The following ESRRB variants were observed in gnomAD, a reference collection of about 807,000 sequenced individuals.
ESRRB encodes estrogen related receptor beta.
A neutral mutation model predicts 46.0 loss-of-function variants in ESRRB; 16 were observed. That is an observed-to-expected ratio of 0.35 (90% confidence interval 0.24 to 0.53). The LOEUF (loss-of-function observed/expected upper bound fraction) is 0.53, where lower values mean the gene tolerates loss of function less well. Ranked by LOEUF, ESRRB falls within the 20% of genes least tolerant of loss-of-function variation. The pLI is 0.93. For missense variants in ESRRB, 488 were observed against 607.4 expected, an observed-to-expected ratio of 0.80 and a Z score of 2.07; for synonymous variants, 246 against 259.6, an observed-to-expected ratio of 0.95 and a Z score of 0.50.
upstream of ESRRB, among the ~76,000 whole-genome samples, chr14:76,370,877 G>A (rs1229778348): frequency 1.3e-5 from 2 of 152,170 alleles, no homozygotes; most frequent in Non-Finnish European, 2.9e-5. Context: ...GGTAAAGAGA[G>A]AACTTTAATA....
At chr14:76,490,733 T>G (rs1890189625) in intron 5 of ESRRB, among the ~76,000 whole-genome samples, 1 of 152,156 alleles carries the variant, frequency 6.6e-6, no homozygotes, top group Admixed American at 6.5e-5. Flanking sequence ...AGGGGGGAAC[T>G]AGCATGATTC....
chr14:76,387,152 A>G (rs758377315), intron 1 of ESRRB, among the ~76,000 whole-genome samples: 1 of 152,218 alleles, frequency 6.6e-6, no homozygotes, highest in African/African-American at 2.4e-5. Context: ...AGGGAGGGTT[A>G]GGACTCCAAA....
At chr14:76,373,103 G>C (rs1244418362), upstream of ESRRB, among the ~76,000 whole-genome samples, 4 of 152,176 alleles carry the variant, frequency 2.6e-5, no homozygotes, top group Admixed American at 6.5e-5. Context: ...GTGAGCTGCT[G>C]TCATCTTACA....
At chr14:76,338,494 C>T in intron 1 of ESRRB, among the ~76,000 whole-genome samples, 1 of 152,204 alleles carries the variant, frequency 6.6e-6, no homozygotes, top group South Asian at 2.1e-4. Flanking sequence ...TTCTCCTTAG[C>T]CAGATGGTAC....
intron 1 of ESRRB, among the ~76,000 whole-genome samples, chr14:76,397,659 C>T (rs1885750733): frequency 6.6e-6 from 1 of 152,192 alleles, no homozygotes; most frequent in African/African-American, 2.4e-5. Context: ...AATCCCAGCA[C>T]TTTGAGAGGC....
intron 1 of ESRRB, among the ~76,000 whole-genome samples, chr14:76,323,017 C>A (rs1883886147): frequency 6.6e-6 from 1 of 152,132 alleles, no homozygotes; most frequent in South Asian, 2.1e-4. Flanking sequence ...CACTTTCTGT[C>A]CAGGGGCTCC....
At chr14:76,414,463 C>T (rs957760042) in intron 1 of ESRRB, among the ~76,000 whole-genome samples, 3 of 151,140 alleles carry the variant, frequency 2.0e-5, no homozygotes, top group Non-Finnish European at 4.4e-5. Flanking sequence ...GTTTTCATTT[C>T]GGAGGGCCCT....
intron 1 of ESRRB, among the ~76,000 whole-genome samples, chr14:76,393,401 T>A (rs1252905400): frequency 1.3e-5 from 2 of 152,186 alleles, no homozygotes; most frequent in Admixed American, 6.5e-5. Context: ...GCCAGCTACT[T>A]TTGCATGGCA....
At chr14:76,412,344 C>T (rs978850052) in intron 1 of ESRRB, among the ~76,000 whole-genome samples, 2 of 152,172 alleles carry the variant, frequency 1.3e-5, no homozygotes. Context: ...GAGGTAGTTC[C>T]CTTTCTTGTT....
intron 1 of ESRRB, among the ~76,000 whole-genome samples, chr14:76,386,753 A>G (rs35671982): frequency 0.24 from 36,123 of 152,006 alleles, 4,422 homozygotes; most frequent in South Asian, 0.27. Flanking sequence ...ACCAATATGA[A>G]TGTGTTAGGC....
At chr14:76,356,382 ACT>A (rs951586597) in intron 1 of ESRRB, among the ~76,000 whole-genome samples, 1 of 151,826 alleles carries the variant, frequency 6.6e-6, no homozygotes, top group African/African-American at 2.4e-5. Context: ...GGAGGCTGGT[ACT>A]CTCTCTCTCC....
At chr14:76,389,166 C>T (rs1444082489) in intron 1 of ESRRB, among the ~76,000 whole-genome samples, 3 of 152,256 alleles carry the variant, frequency 2.0e-5, no homozygotes, top group Middle Eastern at 3.4e-3. Flanking sequence ...GTATTGCTTC[C>T]CCCAACCCTG....
intron 1 of ESRRB, chr14:76,407,650 C>A (rs1886248604): frequency 9.8e-6 from 9 of 918,358 alleles, no homozygotes; most frequent in Non-Finnish European, 1.2e-5. Flanking sequence ...CACACTCAGT[C>A]CAAAACCCTC....
intron 6 of ESRRB, among the ~76,000 whole-genome samples, chr14:76,496,754 T>C (rs1034158232): frequency 6.6e-6 from 1 of 152,120 alleles, no homozygotes; most frequent in African/African-American, 2.4e-5. Context: ...GACTCAGGTG[T>C]GGCTCCAGTG....
intron 5 of ESRRB, among the ~76,000 whole-genome samples, chr14:76,488,973 C>T (rs1032613349): frequency 2.6e-5 from 4 of 152,158 alleles, no homozygotes; most frequent in South Asian, 2.1e-4. Flanking sequence ...ATTCTGTCCC[C>T]GGTGCCTAGC....
chr14:76,373,990 G>A (rs1247377504), upstream of ESRRB, among the ~76,000 whole-genome samples: 1 of 152,158 alleles, frequency 6.6e-6, no homozygotes, highest in East Asian at 1.9e-4. Flanking sequence ...TACCAAGTGT[G>A]TCTTGTTTCC....
At chr14:76,353,040 C>A (rs977409897) in intron 1 of ESRRB, among the ~76,000 whole-genome samples, 2 of 152,258 alleles carry the variant, frequency 1.3e-5, no homozygotes, top group African/African-American at 2.4e-5. Flanking sequence ...GGCCACGGAC[C>A]TTTGCCCTCT....
At chr14:76,369,025 C>T (rs552530618), upstream of ESRRB, among the ~76,000 whole-genome samples, 131 of 151,856 alleles carry the variant, frequency 8.6e-4, no homozygotes, top group African/African-American at 2.7e-3. Flanking sequence ...GGTGAAGTCC[C>T]GTCTCTACTA....
intron 1 of ESRRB, among the ~76,000 whole-genome samples, chr14:76,324,111 T>TC (rs1883900051): frequency 6.6e-6 from 1 of 152,162 alleles, no homozygotes; most frequent in Non-Finnish European, 1.5e-5. Flanking sequence ...GGGAGTGCTC[T>TC]CTGGGGAATC....
Sources: gnomAD v4.1 joint callset for allele counts (sites outside exome capture counted in the v4.1 genomes callset) on GRCh38, gnomAD v4.1.1 for gene constraint, MANE v1.5 for transcripts, NCBI Gene and HGNC (gene_info 2026-07-23, HGNC 2026-07-21) for gene names.